MAPK10: variants seen among roughly 807,000 people sequenced by gnomAD.
MAPK10 encodes the protein mitogen-activated protein kinase 10, also known as JNK3 alpha protein kinase.
MAPK10 carries 25 observed loss-of-function variants against 59.3 expected under a neutral mutation model. The ratio of observed to expected loss-of-function variants is 0.42; its 90% CI spans 0.31 to 0.59. The LOEUF is 0.59. Ranked by LOEUF, MAPK10 falls within the 20% of genes least tolerant of loss-of-function variation. MAPK10 has a pLI of 0.15. For synonymous variants in MAPK10, 190 were observed against 200.5 expected (o/e 0.95, Z 0.44); for missense variants, 351 against 568.9 (o/e 0.62, Z 3.90).
chr4:86,175,318 T>C (rs115055996), intron 3 of MAPK10, among the ~76,000 whole-genome samples: 1,603 of 152,256 alleles, frequency 0.011, 11 homozygotes, highest in Middle Eastern at 0.034. Flanking sequence ...CATTTAAGAA[T>C]CTGAAACACT....
chr4:86,228,531 T>C (rs1403135134), intron 2 of MAPK10, among the ~76,000 whole-genome samples: 3 of 152,216 alleles, frequency 2.0e-5, no homozygotes, highest in African/African-American at 7.2e-5. Context: ...AAGTTACAAA[T>C]TCATCTCAGA....
chr4:86,219,567 T>C (rs920964902), intron 2 of MAPK10, among the ~76,000 whole-genome samples: 3 of 152,130 alleles, frequency 2.0e-5, no homozygotes, highest in African/African-American at 7.2e-5. Flanking sequence ...CTTATAAGAA[T>C]AACATTATTT....
At chr4:86,053,348 T>C (rs1470922521) in intron 11 of MAPK10, among the ~76,000 whole-genome samples, 1 of 152,144 alleles carries the variant, frequency 6.6e-6, no homozygotes, top group East Asian at 1.9e-4. Flanking sequence ...GTATACACAG[T>C]GGTTAAGAGG....
intron 9 of MAPK10, among the ~76,000 whole-genome samples, chr4:86,069,976 A>G (rs2047488367): frequency 6.6e-6 from 1 of 152,202 alleles, no homozygotes; most frequent in Non-Finnish European, 1.5e-5. Context: ...TTTGTTAAAT[A>G]AGAATTGTTA....
intron 11 of MAPK10, 83 bp from the exon 12 acceptor site, chr4:86,031,514 C>G: frequency 1.1e-6 from 1 of 943,718 alleles, no homozygotes. Context: ...ATACCTTGCC[C>G]TCATTTATTT....
chr4:86,178,185 A>G (rs2076120626), intron 3 of MAPK10, among the ~76,000 whole-genome samples: 1 of 152,134 alleles, frequency 6.6e-6, no homozygotes, highest in South Asian at 2.1e-4. Flanking sequence ...GTCCAAAAGT[A>G]TCTTAGGTTC....
At chr4:86,108,671 T>C (rs1032053386) in intron 4 of MAPK10, among the ~76,000 whole-genome samples, 2 of 152,182 alleles carry the variant, frequency 1.3e-5, no homozygotes, top group Admixed American at 1.3e-4. Context: ...TAAGCAGCTC[T>C]TTCTATTGTT....
rs183451236 is a variant in MAPK10, at chr4:86,476,567, G to A, written c.-263+117343C>T. 1.1e-3 allele frequency among the ~76,000 whole-genome samples: 166 copies of A among 152,198 alleles called. 1 individual carries two copies. The highest frequency in any genetic ancestry group is 3.4e-3 in the Middle Eastern group (1 of 294). On this transcript the variant is annotated intron_variant, in intron 1 of 4. Transcript: ENST00000502302. ...CTAGACCCTGAAAGGTCAGAAGGCC[G>A]TCTTATTCTCAATATGCATTTTATT...
rs542247202 is a variant in MAPK10 at position 86,133,516 on chromosome 4, T to C, written c.236+25782A>G. Among the ~76,000 whole-genome samples the C allele has an allele frequency of 2.1e-4, 32 of 152,368 alleles. No individual in the cohort carries two copies. In the East Asian group the frequency reaches 2.9e-3, roughly 14 times the overall value. On this transcript the variant is annotated intron_variant, in intron 4 of 13. Transcript: ENST00000641462. ...TTCCTGTCTGCAACATAAAAATTTTTAATGCCTACAGCCAAAACAGTTTAC... is the reference window on the plus strand; with the variant it reads ...TTCCTGTCTGCAACATAAAAATTTTCAATGCCTACAGCCAAAACAGTTTAC...
At chr4:86,559,805 G>A (rs1760535092) in intron 1 of MAPK10, among the ~76,000 whole-genome samples, 1 of 151,972 alleles carries the variant, frequency 6.6e-6, no homozygotes, top group South Asian at 2.1e-4. Context: ...TGGGTGTGGT[G>A]GCACGTGTCT....
intron 9 of MAPK10, among the ~76,000 whole-genome samples, chr4:86,069,911 CA>C (rs34324822): frequency 0.47 from 71,712 of 151,492 alleles, 18,079 homozygotes; most frequent in African/African-American, 0.66. Context: ...ACTCCCAAAA[CA>C]AAAAAAACTG....
intron 1 of MAPK10, among the ~76,000 whole-genome samples, chr4:86,576,345 A>C (rs192682979): frequency 7.7e-4 from 118 of 152,310 alleles, no homozygotes; most frequent in Middle Eastern, 3.4e-3. Flanking sequence ...GCATCTGATT[A>C]ATGGTAGCTC....
intron 11 of MAPK10, among the ~76,000 whole-genome samples, chr4:86,063,052 A>T (rs1009930623): frequency 2.0e-5 from 3 of 152,218 alleles, no homozygotes; most frequent in Non-Finnish European, 4.4e-5. Context: ...AATGTAGTGC[A>T]GTCTTCACAC....
chr4:86,553,571 G>T (rs1449568369), intron 1 of MAPK10, among the ~76,000 whole-genome samples: 1 of 152,108 alleles, frequency 6.6e-6, no homozygotes. Flanking sequence ...GGAAGGTGGG[G>T]TCAGGGTCTC....
At chr4:86,394,032 A>G (rs944991582) in intron 1 of MAPK10, among the ~76,000 whole-genome samples, 5 of 152,172 alleles carry the variant, frequency 3.3e-5, no homozygotes, top group African/African-American at 9.7e-5. Flanking sequence ...GCACTTTGGG[A>G]GGCCGAGGTA....
chr4:86,355,938 G>C (rs1317295595), intron 1 of MAPK10, among the ~76,000 whole-genome samples: 1 of 152,128 alleles, frequency 6.6e-6, no homozygotes, highest in African/African-American at 2.4e-5. Flanking sequence ...CACCCAGGCA[G>C]GTTAACACAG....
rs192839810 is a variant in MAPK10 at position 86,575,780 on chromosome 4, G to T, written c.-263+18130C>A. ...TACATCATAACCAAAAACACTCCATGGTGTATGATGGGGTTATGATGTAGT... is the reference window on the plus strand; with the variant it reads ...TACATCATAACCAAAAACACTCCATTGTGTATGATGGGGTTATGATGTAGT... On this transcript the variant is annotated intron_variant, in intron 1 of 4. Transcript: ENST00000502302. Among the ~76,000 whole-genome samples, 9 of 150,384 alleles carry T rather than the reference G, an allele frequency of 6.0e-5. No homozygotes were observed. In the East Asian group the frequency reaches 1.6e-3, roughly 28 times the overall value.
At chr4:86,282,774 G>A (rs904295737) in intron 2 of MAPK10, among the ~76,000 whole-genome samples, 12 of 152,160 alleles carry the variant, frequency 7.9e-5, no homozygotes, top group Non-Finnish European at 1.8e-4. Flanking sequence ...TGAGGCTTCA[G>A]AGGCATTTCT....
At chr4:86,425,289 C>A (rs1030016369) in intron 1 of MAPK10, among the ~76,000 whole-genome samples, 5 of 152,024 alleles carry the variant, frequency 3.3e-5, no homozygotes, top group African/African-American at 1.2e-4. Flanking sequence ...ATAGTAGTAC[C>A]AACATTATTT....
Sources: gnomAD v4.1 joint callset for allele counts (sites outside exome capture counted in the v4.1 genomes callset) on GRCh38, gnomAD v4.1.1 for gene constraint, MANE v1.5 for transcripts, NCBI Gene and HGNC (gene_info 2026-07-23, HGNC 2026-07-21) for gene names.